The following NFIA variants were observed in gnomAD, a reference collection of about 807,000 sequenced individuals.
The protein encoded by NFIA is nuclear factor I A.
NFIA carries 8 observed loss-of-function variants against 62.8 expected under a neutral mutation model. The observed-to-expected ratio is 0.13, with a 90% CI of 0.07 to 0.23. The LOEUF is 0.23. NFIA is among the 10% of genes least tolerant of loss of function. The probability of loss-of-function intolerance (pLI) is 1.00; values close to 1 mark genes in which losing one functional copy is unlikely to be tolerated. For missense variants in NFIA, 410 were observed against 642.1 expected (o/e 0.64, Z 3.91); for synonymous variants, 235 against 238.1 (o/e 0.99, Z 0.12).
At chr1:61,177,653 T>TTGTGTGTGTGTG (rs56299869) in intron 2 of NFIA, among the ~76,000 whole-genome samples, 5,477 of 146,070 alleles carry the variant, frequency 0.037, 177 homozygotes, top group South Asian at 0.07. Flanking sequence ...GTTTTCTCTA[T>TTGTGTGTGTGTG]TGTGTGTGTG....
intron 6 of NFIA, among the ~76,000 whole-genome samples, chr1:61,374,234 G>A (rs892004375): frequency 6.6e-6 from 1 of 151,944 alleles, no homozygotes; most frequent in African/African-American, 2.4e-5. Flanking sequence ...GAAATAATTT[G>A]GTTTTCTCAG....
intron 2 of NFIA, among the ~76,000 whole-genome samples, chr1:61,155,643 GC>G (rs1378185278): frequency 7.7e-6 from 1 of 129,884 alleles, no homozygotes; most frequent in Admixed American, 9.7e-5. Flanking sequence ...ACTGCAGTCC[GC>G]AGTCCGGCCT....
At chr1:61,188,437 T>C (rs1651365334) in intron 2 of NFIA, among the ~76,000 whole-genome samples, 1 of 152,172 alleles carries the variant, frequency 6.6e-6, no homozygotes, top group Non-Finnish European at 1.5e-5. Context: ...TAGGAATTTT[T>C]TTTTCTGTTC....
chr1:61,285,566 A>G (rs1658433714), intron 3 of NFIA, among the ~76,000 whole-genome samples: 1 of 152,004 alleles, frequency 6.6e-6, no homozygotes, highest in South Asian at 2.1e-4. Context: ...CAGCTTCCTC[A>G]TTCTTTTTCT....
chr1:61,233,638 A>AT (rs1654810665), intron 2 of NFIA, among the ~76,000 whole-genome samples: 1 of 152,220 alleles, frequency 6.6e-6, no homozygotes, highest in African/African-American at 2.4e-5. Context: ...CCTTGAACAA[A>AT]TTCCTTAATT....
At chr1:61,312,056 G>T (rs983334435) in intron 3 of NFIA, among the ~76,000 whole-genome samples, 2 of 152,176 alleles carry the variant, frequency 1.3e-5, no homozygotes, top group African/African-American at 4.8e-5. Context: ...TTATTTCATC[G>T]GGGTTGGCTG....
At chr1:61,194,163 C>CT (rs1037681131) in intron 2 of NFIA, among the ~76,000 whole-genome samples, 17 of 152,160 alleles carry the variant, frequency 1.1e-4, no homozygotes, top group African/African-American at 3.9e-4. Context: ...GTTTTAAACT[C>CT]TTTAAGTCTC....
chr1:61,386,884 G>C (rs1318525236), intron 7 of NFIA, among the ~76,000 whole-genome samples: 1 of 152,186 alleles, frequency 6.6e-6, no homozygotes, highest in African/African-American at 2.4e-5. Flanking sequence ...CCAAGATTAA[G>C]GCTCTGGCAG....
At position 61,426,563 on chromosome 1, in the gene NFIA, C is replaced by T. The variant is rs1482596603; in HGVS notation, c.1512+7C>T. ...TATCCCTCAACAGACACAGGTGGGC[C>T]GCTCTCATCTTTTCTGTATGTGGTG... On this transcript the variant is annotated splice_region_variant and intron_variant, in intron 10 of 10. Transcript: ENST00000403491. The T allele has an allele frequency of 2.6e-6, 4 of 1,544,390 alleles. No individual in the cohort carries two copies. Among genetic ancestry groups the T allele is most frequent in the Admixed American group, 3.9e-5 (2 of 50,940 alleles).
At chr1:61,419,185 G>C (rs1272866116) in intron 9 of NFIA, among the ~76,000 whole-genome samples, 1 of 152,214 alleles carries the variant, frequency 6.6e-6, no homozygotes, top group Non-Finnish European at 1.5e-5. Flanking sequence ...GTTTGCCCCT[G>C]TAATCCCAGC....
chr1:61,101,900 GA>G (rs1317871687), intron 2 of NFIA, among the ~76,000 whole-genome samples: 3 of 152,100 alleles, frequency 2.0e-5, no homozygotes, highest in African/African-American at 7.2e-5. Flanking sequence ...AAATATGAGA[GA>G]ACTATTGCTT....
intron 2 of NFIA, among the ~76,000 whole-genome samples, chr1:61,235,545 G>A (rs540777449): frequency 6.6e-6 from 1 of 151,036 alleles, no homozygotes; most frequent in Admixed American, 6.6e-5. Context: ...GTTGGGTTTG[G>A]TGGCCCATGC....
chr1:61,217,574 A>G (rs1653714619), intron 2 of NFIA, among the ~76,000 whole-genome samples: 2 of 152,198 alleles, frequency 1.3e-5, no homozygotes, highest in Non-Finnish European at 2.9e-5. Context: ...GCTGAAGTCA[A>G]GAGGGGAAGG....
At chr1:61,413,359 A>T (rs1250850978) in intron 9 of NFIA, among the ~76,000 whole-genome samples, 2 of 152,134 alleles carry the variant, frequency 1.3e-5, no homozygotes, top group Non-Finnish European at 2.9e-5. Flanking sequence ...CTCTTTTTAC[A>T]TATGTATTAT....
chr1:61,194,781 T>A (rs1651880957), intron 2 of NFIA, among the ~76,000 whole-genome samples: 1 of 152,176 alleles, frequency 6.6e-6, no homozygotes, highest in Non-Finnish European at 1.5e-5. Flanking sequence ...TCACTTTTCT[T>A]TTTAATTAAA....
chr1:61,132,879 A>T (rs1025178515), intron 2 of NFIA: 7 of 152,214 alleles, frequency 4.6e-5, no homozygotes, highest in Non-Finnish European at 8.8e-5. Flanking sequence ...GCAACTCCCT[A>T]CCACTGCGTT....
intron 3 of NFIA, among the ~76,000 whole-genome samples, chr1:61,290,616 T>C (rs536839239): frequency 2.0e-5 from 3 of 152,300 alleles, no homozygotes; most frequent in African/African-American, 7.2e-5. Flanking sequence ...TTCAGTAGGA[T>C]CCTAAACAAT....
intron 2 of NFIA, among the ~76,000 whole-genome samples, chr1:61,162,612 A>G (rs913543357): frequency 3.3e-5 from 5 of 152,168 alleles, no homozygotes; most frequent in African/African-American, 1.2e-4. Flanking sequence ...ATCATGATAG[A>G]TTATGCTGGG....
chr1:61,113,054 T>C (rs181486476), intron 2 of NFIA, among the ~76,000 whole-genome samples: 63 of 152,296 alleles, frequency 4.1e-4, no homozygotes, highest in African/African-American at 1.4e-3. Context: ...CTTAAAATGG[T>C]ACGTCTTTTG....
Sources: allele counts gnomAD v4.1 joint callset (sites outside exome capture counted in the v4.1 genomes callset), GRCh38; gene constraint gnomAD v4.1.1; transcripts MANE v1.5; gene names NCBI Gene and HGNC (gene_info 2026-07-23, HGNC 2026-07-21).